The following MAN2A2 variants were observed in gnomAD, a reference collection of about 807,000 sequenced individuals.
The protein encoded by MAN2A2 is mannosidase alpha class 2A member 2.
A neutral mutation model predicts 126.8 loss-of-function variants in MAN2A2; 79 were observed. The observed-to-expected ratio is 0.62, with a 90% confidence interval of 0.52 to 0.75. The LOEUF (loss-of-function observed/expected upper bound fraction) is 0.75. MAN2A2 is among the 30% of genes least tolerant of loss of function. The pLI, the probability that MAN2A2 is intolerant of heterozygous loss-of-function variation, is 0.00. For synonymous variants in MAN2A2, 671 were observed against 618.7 expected (o/e 1.08, Z -1.25); for missense variants, 1,392 against 1,522.4 (o/e 0.91, Z 1.43).
rs368402304 is a variant in MAN2A2 at position 90,906,427 on chromosome 15, G to A, written c.765G>A (p.Glu255=). ...CAGGAGGCTGGGTGATGCCAGATGA[G>A]GCCAATTCCCACTACTTTGCATTGA... ...IATGGWVMPD[E]ANSHYFALID... The change falls in exon 6 of 23, where the codon GAG becomes GAA. Residue 255 remains glutamate, a synonymous_variant. Transcript: ENST00000559717. The A allele has an allele frequency of 1.9e-6, 3 of 1,614,136 alleles. No homozygotes were observed. Among genetic ancestry groups the A allele is most frequent in the Non-Finnish European group, 2.5e-6 (3 of 1,179,994 alleles).
chr15:90,909,064 A>G (rs7183098), intron 8 of MAN2A2, among the ~76,000 whole-genome samples: 44,335 of 151,970 alleles, frequency 0.29, 6,842 homozygotes, highest in East Asian at 0.57. Flanking sequence ...CTGGTGGGCA[A>G]AATGAGGCGG....
rs771074645 is a variant in MAN2A2 at position 90,904,333 on chromosome 15, C to G, written c.126C>G (p.Phe42Leu). 1.7e-5 allele frequency: 28 copies of G among 1,613,234 alleles called. No homozygotes were observed. In the South Asian group the frequency reaches 2.7e-4, roughly 16 times the overall value. ...DPTRHQNGGNFPRSQISVLQN... is the reference protein window; with the variant it reads ...DPTRHQNGGNLPRSQISVLQN... ...CCCGACACCAGAATGGTGGGAACTTCCCCCGGGTGAGTCGTGCCTGGTTGC... is the reference window on the plus strand; with the variant it reads ...CCCGACACCAGAATGGTGGGAACTTGCCCCGGGTGAGTCGTGCCTGGTTGC... Residue 42 changes from phenylalanine to leucine, a missense_variant, in exon 2 of 23, where the codon TTC becomes TTG. Physicochemically the swap from Phe to Leu is conservative, Grantham distance 22 (BLOSUM62 0). Coordinates refer to ENST00000559717, the MANE Select transcript of MAN2A2 (RefSeq NM_006122.4).
intron 20 of MAN2A2, 153 bp downstream of exon 20, chr15:90,916,409 G>A (rs750811673): frequency 1.6e-5 from 19 of 1,173,500 alleles, no homozygotes; most frequent in East Asian, 1.2e-4. Flanking sequence ...GCAGTCTGGC[G>A]TTTTGTGTCC....
chr15:90,916,465 A>C, intron 20 of MAN2A2: 1 of 1,116,778 alleles, frequency 9.0e-7, no homozygotes, highest in South Asian at 1.4e-5. Context: ...GCGCTCTGTC[A>C]CCTGTGCCCC....
In MAN2A2 at chr15:90,906,745, A is replaced by AC. The variant is rs1343354383; in HGVS notation, c.847dup (p.Arg283ProfsTer73). On this transcript the variant is annotated frameshift_variant, in exon 7 of 23. Transcript: ENST00000559717. LOFTEE classifies it high-confidence loss of function. ...GGCTTCCATGCCCTGCCCAGGTGCA[A>AC]CCCCCCGCTCTGGCTGGGCAGTGGA... 4 of 1,611,168 alleles carry AC rather than the reference A, an allele frequency of 2.5e-6. No homozygotes were observed. The highest frequency in any genetic ancestry group is 1.3e-5 in the African/African-American group (1 of 74,768).
chr15:90,907,183 C>G, intron 7 of MAN2A2, 126 bp from the exon 8 acceptor site: 1 of 1,012,924 alleles, frequency 9.9e-7, no homozygotes, highest in East Asian at 2.4e-5. Flanking sequence ...TACACACTCT[C>G]TCCAGCCCTA....
Position 90,910,866 on chromosome 15 carries a change from A to G in MAN2A2, c.1780A>G (p.Asn594Asp). 6.2e-7 allele frequency: 1 copy of G among 1,614,002 alleles called. No individual in the cohort carries two copies. The highest frequency in any genetic ancestry group is 8.5e-7 in the Non-Finnish European group (1 of 1,179,958). The change falls in exon 12 of 23, where the codon AAC becomes GAC. Residue 594 changes from asparagine to aspartate, a missense_variant. Asn to Asp is a conservative substitution (Grantham distance 23). Coordinates refer to ENST00000559717, the MANE Select transcript of MAN2A2 (RefSeq NM_006122.4). The stretch of plus-strand genomic sequence containing the variant: ...CCACAGGCTTCTGCGCTCCCTTGTC[A>G]ACCTGAAGCAGGTCATCATTCATGC... Reference protein sequence around the residue: ...YGVRLLRSLVNLKQVIIHAAH... With the variant: ...YGVRLLRSLVDLKQVIIHAAH...
At chr15:90,906,700 G>A in intron 6 of MAN2A2, 40 bp from the exon 7 acceptor site, 1 of 1,603,056 alleles carries the variant, frequency 6.2e-7, no homozygotes, top group Non-Finnish European at 8.5e-7. Context: ...CAGCCCCTGA[G>A]GTGTGTTCAG....
chr15:90,912,693 G>T lies in MAN2A2; in HGVS notation c.2469+29G>T, dbSNP rs747886902. The T allele has an allele frequency of 3.1e-6, 5 of 1,613,262 alleles. No individual in the cohort carries two copies. The South Asian group carries it at 5.5e-5, about 18-fold the overall frequency. On this transcript the variant is annotated intron_variant, in intron 16 of 22. Coordinates refer to ENST00000559717, the MANE Select transcript of MAN2A2 (RefSeq NM_006122.4). Reference sequence around the variant, plus strand: ...TCCTAAAGATGCCTTGAACAACCTGGCAGGGAGGGCAGGAGGGGGCACAGG... The same window carrying T: ...TCCTAAAGATGCCTTGAACAACCTGTCAGGGAGGGCAGGAGGGGGCACAGG...
At position 90,910,307 on chromosome 15, in the gene MAN2A2, C is replaced by G. The variant is rs1445527068; in HGVS notation, c.1577+15C>G. ...GCCCACCTGCGGTGAGACCCTGTCC[C>G]CGCTTCCAGGCTGGAGGGGGAGAGT... On this transcript the variant is annotated intron_variant, in intron 10 of 22. Transcript: ENST00000559717. 4 of 1,613,296 alleles carry G rather than the reference C, an allele frequency of 2.5e-6. No individual in the cohort carries two copies. The highest frequency in any genetic ancestry group is 3.4e-6 in the Non-Finnish European group (4 of 1,179,572).
At chr15:90,906,995 A>C in intron 7 of MAN2A2, 82 bp downstream of exon 7, 2 of 1,523,904 alleles carry the variant, frequency 1.3e-6, no homozygotes, top group South Asian at 2.3e-5. Flanking sequence ...TAAGACCCCC[A>C]CTGTTCTTCA....
intron 15 of MAN2A2, 36 bp from the exon 16 acceptor site, chr15:90,912,506 T>C: frequency 6.2e-7 from 1 of 1,607,800 alleles, no homozygotes; most frequent in Non-Finnish European, 8.5e-7. Context: ...GACATGCTGG[T>C]GTGGGGCCAG....
intron 20 of MAN2A2, 21 bp downstream of exon 20, chr15:90,916,277 C>T (rs753451321): frequency 1.9e-6 from 3 of 1,610,156 alleles, no homozygotes; most frequent in East Asian, 2.2e-5. Context: ...GGGCTGACGC[C>T]CAGGGAGCCA....
chr15:90,911,264 A>G (rs1173816934), intron 13 of MAN2A2, 26 bp downstream of exon 13: 2 of 1,613,928 alleles, frequency 1.2e-6, no homozygotes, highest in South Asian at 2.2e-5. Flanking sequence ...CCATGTGCAG[A>G]GAGGCAGAGC....
chr15:90,906,456 A>G lies in MAN2A2; in HGVS notation c.794A>G (p.Asp265Gly), dbSNP rs2034291885. 1 of 1,614,128 alleles carries G rather than the reference A, an allele frequency of 6.2e-7. No individual in the cohort carries two copies. The highest frequency in any genetic ancestry group is 8.5e-7 in the Non-Finnish European group (1 of 1,179,984). Residue 265 changes from aspartate (D) to glycine (G), a missense_variant, in exon 6 of 23, where the codon GAC becomes GGC. Physicochemically the swap from Asp to Gly is moderately conservative, Grantham distance 94 (BLOSUM62 -1). Transcript: ENST00000559717. ...AATTCCCACTACTTTGCATTGATTGACCAGCTCATCGAAGGACACCAGTGG... is the reference window on the plus strand; with the variant it reads ...AATTCCCACTACTTTGCATTGATTGGCCAGCTCATCGAAGGACACCAGTGG... ...EANSHYFALI[D>G]QLIEGHQWLE...
In MAN2A2 at chr15:90,905,893, T is replaced by C. The variant is rs552068959; in HGVS notation, c.584T>C (p.Ile195Thr). The C allele has an allele frequency of 6.3e-7, 1 of 1,598,620 alleles. No individual in the cohort carries two copies. The highest frequency in any genetic ancestry group is 2.3e-5 in the East Asian group (1 of 44,402). The change falls in exon 5 of 23, where the codon ATC becomes ACC. Residue 195 changes from isoleucine (I) to threonine (T), a missense_variant. Ile to Thr is a moderately conservative substitution (Grantham distance 89, BLOSUM62 -1). Transcript: ENST00000559717. Reference sequence around the variant, plus strand: ...TACTACACAGAGCAGACCCAACACATCCTCAATAGCATGGTGTCTAAGCTG... The same window carrying C: ...TACTACACAGAGCAGACCCAACACACCCTCAATAGCATGGTGTCTAAGCTG... ...DKYYTEQTQH[I>T]LNSMVSKLQE...
At chr15:90,905,759 G>A (rs756597830) in intron 4 of MAN2A2, 36 bp downstream of exon 4, 2 of 1,610,718 alleles carry the variant, frequency 1.2e-6, no homozygotes, top group East Asian at 4.5e-5. Flanking sequence ...GCTGGAGTGT[G>A]GAGTGGGATT....
chr15:90,902,668 G>C (rs2033929484), upstream of MAN2A2: 1 of 151,128 alleles, frequency 6.6e-6, no homozygotes, highest in African/African-American at 2.4e-5. Context: ...GGCGGCCAGA[G>C]CTCCTGTCAG....
chr15:90,916,211 C>T lies in MAN2A2; in HGVS notation c.2949C>T (p.Cys983=). Reference sequence around the variant, plus strand: ...GGCTCAAGGACAACAAGAGAACCTGCAACCGTTTCCGCCTCCTGCTAGAGC... The same window carrying T: ...GGCTCAAGGACAACAAGAGAACCTGTAACCGTTTCCGCCTCCTGCTAGAGC... ...GQGLKDNKRT[C]NRFRLLLERR... The change falls in exon 20 of 23, where the codon TGC becomes TGT. Residue 983 remains cysteine (C), a synonymous_variant. Transcript: ENST00000559717. 6.2e-7 allele frequency: 1 copy of T among 1,614,182 alleles called. No homozygotes were observed. The highest frequency in any genetic ancestry group is 1.1e-5 in the South Asian group (1 of 91,090).
Sources: allele counts gnomAD v4.1 joint callset (sites outside exome capture counted in the v4.1 genomes callset), GRCh38; gene constraint gnomAD v4.1.1; transcripts MANE v1.5; gene names NCBI Gene and HGNC (gene_info 2026-07-23, HGNC 2026-07-21).